The following CCDC171 variants were observed in gnomAD, a reference collection of about 807,000 sequenced individuals.
CCDC171 encodes the protein coiled-coil domain containing 171, also known as coiled-coil domain-containing protein 171.
A neutral mutation model predicts 168.2 loss-of-function variants in CCDC171; 177 were observed. That is an observed-to-expected ratio of 1.05 (90% CI 0.93 to 1.19). The LOEUF (loss-of-function observed/expected upper bound fraction) is 1.19, where lower values mean the gene tolerates loss of function less well. Among genes scored for constraint, CCDC171 ranks in the 50% most tolerant of loss-of-function variants. The pLI is 0.00. For synonymous variants in CCDC171, 687 were observed against 540.8 expected, an observed-to-expected ratio of 1.27 and a Z score of -3.75; for missense variants, 1,991 against 1,539.0, an observed-to-expected ratio of 1.29 and a Z score of -4.91.
chr9:16,056,657 T>A (rs1833847944), intron 1 of CCDC171, among the ~76,000 whole-genome samples: 1 of 152,066 alleles, frequency 6.6e-6, no homozygotes, highest in South Asian at 2.1e-4. Flanking sequence ...CTGGCTAATT[T>A]TTATATTTTT....
At chr9:15,682,350 A>G (rs2050096155) in intron 10 of CCDC171, among the ~76,000 whole-genome samples, 1 of 152,040 alleles carries the variant, frequency 6.6e-6, no homozygotes, top group Admixed American at 6.6e-5. Flanking sequence ...CTGTTTTGAG[A>G]GAGATATTAT....
the CCDC171 span, among the ~76,000 whole-genome samples, chr9:16,075,369 T>A: frequency 2.6e-5 from 4 of 152,356 alleles, no homozygotes; most frequent in South Asian, 2.1e-4. Context: ...TTATTCATAT[T>A]ACCTACATAA....
At chr9:15,640,320 A>G (rs547931515) in intron 7 of CCDC171, among the ~76,000 whole-genome samples, 50 of 152,112 alleles carry the variant, frequency 3.3e-4, no homozygotes, top group Non-Finnish European at 6.6e-4. Context: ...GTCACAAAGC[A>G]GCATTAATTT....
intron 25 of CCDC171, among the ~76,000 whole-genome samples, chr9:15,939,836 A>G (rs1348526043): frequency 6.6e-6 from 1 of 151,972 alleles, no homozygotes; most frequent in Non-Finnish European, 1.5e-5. Flanking sequence ...ACACCCCGGA[A>G]CAAATGATCT....
intron 21 of CCDC171, among the ~76,000 whole-genome samples, chr9:15,837,733 T>A (rs1347162016): frequency 2.6e-5 from 4 of 152,220 alleles, no homozygotes; most frequent in African/African-American, 9.6e-5. Context: ...ACTCTCTTTT[T>A]CTTTAATTAA....
intron 3 of CCDC171, among the ~76,000 whole-genome samples, chr9:16,016,733 T>C (rs1276660513): frequency 3.3e-5 from 5 of 152,228 alleles, no homozygotes; most frequent in Admixed American, 1.3e-4. Context: ...TTTGGATGCA[T>C]TGTATTTAAA....
At chr9:15,649,968 T>A (rs2047375814) in intron 7 of CCDC171, among the ~76,000 whole-genome samples, 2 of 152,112 alleles carry the variant, frequency 1.3e-5, no homozygotes, top group Admixed American at 6.5e-5. Flanking sequence ...ATTGCGGCAC[T>A]ATTCACAATA....
intron 19 of CCDC171, among the ~76,000 whole-genome samples, 199 bp from the exon 20 acceptor site, chr9:15,778,769 T>C (rs1462478260): frequency 6.6e-6 from 1 of 152,170 alleles, no homozygotes; most frequent in Non-Finnish European, 1.5e-5. Context: ...ATCTAGATTA[T>C]TTCTTTTCTC....
chr9:15,689,023 C>G (rs2050602925), intron 10 of CCDC171, among the ~76,000 whole-genome samples: 1 of 152,062 alleles, frequency 6.6e-6, no homozygotes, highest in Admixed American at 6.5e-5. Flanking sequence ...TTGTAGGATA[C>G]AATACAATAT....
chr9:16,084,721 C>T, the CCDC171 span, among the ~76,000 whole-genome samples: 2 of 152,168 alleles, frequency 1.3e-5, no homozygotes, highest in African/African-American at 4.8e-5. Context: ...TCTGTCAATT[C>T]ACATAGTCAC....
intron 23 of CCDC171, among the ~76,000 whole-genome samples, chr9:15,870,183 T>A (rs922908292): frequency 1.6e-4 from 25 of 151,808 alleles, no homozygotes; most frequent in African/African-American, 5.6e-4. Flanking sequence ...CACTGCTCTT[T>A]GGTGCATAGG....
intron 21 of CCDC171, among the ~76,000 whole-genome samples, chr9:15,826,792 C>T (rs544907425): frequency 5.9e-5 from 9 of 152,286 alleles, no homozygotes; most frequent in Middle Eastern, 3.4e-3. Context: ...CCCTGCTGTG[C>T]CATGCTCTAT....
chr9:15,784,768 C>A, intron 21 of CCDC171, 74 bp downstream of exon 21: 1 of 1,113,364 alleles, frequency 9.0e-7, no homozygotes, highest in Non-Finnish European at 1.3e-6. Context: ...ATTATGATAT[C>A]TCCTGAATAG....
chr9:15,793,520 C>A (rs939506580), intron 21 of CCDC171, among the ~76,000 whole-genome samples: 3 of 129,838 alleles, frequency 2.3e-5, no homozygotes, highest in African/African-American at 9.3e-5. Context: ...AATATACATT[C>A]TTTTCAGCAC....
intron 3 of CCDC171, among the ~76,000 whole-genome samples, chr9:15,999,258 GAGAA>G (rs1405926522): frequency 2.8e-5 from 4 of 143,168 alleles, no homozygotes; most frequent in African/African-American, 1.0e-4. Flanking sequence ...GAAAGAAAGA[GAGAA>G]AGAGAAAGAA....
chr9:16,095,295 A>C, the CCDC171 span, among the ~76,000 whole-genome samples: 1 of 152,142 alleles, frequency 6.6e-6, no homozygotes, highest in African/African-American at 2.4e-5. Context: ...GCTGCTTTGC[A>C]GAACCTACAT....
At chr9:15,987,527 T>G (rs1198636123) in intron 3 of CCDC171, among the ~76,000 whole-genome samples, 1 of 152,210 alleles carries the variant, frequency 6.6e-6, no homozygotes, top group African/African-American at 2.4e-5. Context: ...GAAACATCAG[T>G]TCCCAGAAAA....
At chr9:15,799,776 A>G (rs1011889818) in intron 21 of CCDC171, among the ~76,000 whole-genome samples, 1 of 150,444 alleles carries the variant, frequency 6.6e-6, no homozygotes, top group East Asian at 2.0e-4. Context: ...ATTCCCCACT[A>G]CTCTTCTCTG....
At chr9:15,593,264 G>T (rs940188028) in intron 5 of CCDC171, among the ~76,000 whole-genome samples, 14 of 152,134 alleles carry the variant, frequency 9.2e-5, no homozygotes, top group Non-Finnish European at 1.5e-5. Flanking sequence ...GTAAACTATA[G>T]ACTTTTTCTT....
Sources: gnomAD v4.1 joint callset for allele counts (sites outside exome capture counted in the v4.1 genomes callset) on GRCh38, gnomAD v4.1.1 for gene constraint, MANE v1.5 for transcripts, NCBI Gene and HGNC (gene_info 2026-07-23, HGNC 2026-07-21) for gene names.